The following UBASH3B variants were observed in gnomAD, a reference collection of about 807,000 sequenced individuals.
UBASH3B encodes ubiquitin associated and SH3 domain containing B.
UBASH3B carries 37 observed loss-of-function variants against 83.4 expected under a neutral mutation model. The observed-to-expected ratio is 0.44, with a 90% CI of 0.34 to 0.58. The LOEUF (loss-of-function observed/expected upper bound fraction) is 0.58, where lower values mean the gene tolerates loss of function less well. UBASH3B is among the 20% of genes least tolerant of loss of function. The probability of loss-of-function intolerance (pLI) is 0.01; values close to 1 mark genes in which losing one functional copy is unlikely to be tolerated. For synonymous variants in UBASH3B, 304 were observed against 318.3 expected (o/e 0.96, Z 0.48); for missense variants, 657 against 827.2 (o/e 0.79, Z 2.52).
At chr11:122,778,554 A>ATTT (rs56698309) in intron 3 of UBASH3B, among the ~76,000 whole-genome samples, 5 of 127,188 alleles carry the variant, frequency 3.9e-5, no homozygotes, top group African/African-American at 5.8e-5. Flanking sequence ...ACATTCCTTC[A>ATTT]TTTTTTTTTT....
At chr11:122,782,723 C>T (rs978189603) in intron 4 of UBASH3B, 3 of 233,674 alleles carry the variant, frequency 1.3e-5, no homozygotes, top group African/African-American at 2.3e-5. Context: ...CACTGTAGGT[C>T]ATAGTGCCCT....
chr11:122,713,069 A>G (rs993175366), intron 1 of UBASH3B, among the ~76,000 whole-genome samples: 4 of 151,414 alleles, frequency 2.6e-5, no homozygotes, highest in Admixed American at 6.6e-5. Context: ...CACCACGCCC[A>G]GCTAATTTTT....
At chr11:122,776,358 T>TTCTGG in intron 2 of UBASH3B, 86 bp downstream of exon 2, 4 of 1,256,180 alleles carry the variant, frequency 3.2e-6, no homozygotes, top group Non-Finnish European at 3.3e-6. Flanking sequence ...AGACTTTCTC[T>TTCTGG]AATGGACCCT....
At chr11:122,792,943 C>T (rs1861085465) in intron 6 of UBASH3B, among the ~76,000 whole-genome samples, 1 of 142,304 alleles carries the variant, frequency 7.0e-6, no homozygotes, top group Non-Finnish European at 1.6e-5. Context: ...GGGCATGAGA[C>T]TTCTGAGACT....
At chr11:122,656,950 G>A (rs1180473834) in intron 1 of UBASH3B, among the ~76,000 whole-genome samples, 1 of 152,204 alleles carries the variant, frequency 6.6e-6, no homozygotes, top group East Asian at 1.9e-4. Flanking sequence ...GAGCGCAGGT[G>A]GCTGCCCCTG....
At chr11:122,770,109 G>C (rs1283607422) in intron 1 of UBASH3B, among the ~76,000 whole-genome samples, 1 of 152,298 alleles carries the variant, frequency 6.6e-6, no homozygotes, top group South Asian at 2.1e-4. Context: ...AAGTGAACAA[G>C]TCCTTGGTCA....
In UBASH3B at chr11:122,786,039, GTTTTTGT is replaced by G. The variant is rs553442810; in HGVS notation, c.771+2836_771+2842del. ...TGGATTCAAGAGGTTTTTTGTTTTTGTTTTTGTTTTTTGTTTTTTGTTTTTGTTGAGA... is the reference window on the plus strand; with the variant it reads ...TGGATTCAAGAGGTTTTTTGTTTTTGTTTTTGTTTTTTGTTTTTGTTGAGA... On this transcript the variant is annotated intron_variant, in intron 5 of 13. Transcript: ENST00000284273. Among the ~76,000 whole-genome samples the G allele has an allele frequency of 3.0e-3, 459 of 152,036 alleles. 1 individual carries two copies. Among genetic ancestry groups the G allele is most frequent in the African/African-American group, 9.5e-3 (396 of 41,486 alleles).
intron 1 of UBASH3B, among the ~76,000 whole-genome samples, chr11:122,682,136 T>G (rs1457808674): frequency 6.6e-6 from 1 of 152,228 alleles, no homozygotes; most frequent in Non-Finnish European, 1.5e-5. Flanking sequence ...ATTCTCCTCC[T>G]GCGTAGTACC....
chr11:122,702,305 GAA>G (rs1216964878), intron 1 of UBASH3B, among the ~76,000 whole-genome samples: 2 of 152,162 alleles, frequency 1.3e-5, no homozygotes, highest in African/African-American at 4.8e-5. Flanking sequence ...CATGGAGAGA[GAA>G]GAGTCTAAAA....
chr11:122,683,641 T>C (rs1863772840), intron 1 of UBASH3B, among the ~76,000 whole-genome samples: 2 of 150,406 alleles, frequency 1.3e-5, no homozygotes, highest in Admixed American at 1.3e-4. Flanking sequence ...AAATAAAATA[T>C]GACCACAGGA....
chr11:122,718,947 G>A (rs1451445599), intron 1 of UBASH3B, among the ~76,000 whole-genome samples: 1 of 152,196 alleles, frequency 6.6e-6, no homozygotes, highest in African/African-American at 2.4e-5. Flanking sequence ...TGAGGCAGGA[G>A]GACCACCAGA....
chr11:122,752,204 C>T (rs1468956017), intron 1 of UBASH3B, among the ~76,000 whole-genome samples: 2 of 152,154 alleles, frequency 1.3e-5, no homozygotes. Context: ...GGTCAACCAT[C>T]CATCCCCATC....
At chr11:122,797,096 C>G in intron 9 of UBASH3B, 63 bp downstream of exon 9, 1 of 1,523,268 alleles carries the variant, frequency 6.6e-7, no homozygotes, top group Non-Finnish European at 8.8e-7. Context: ...AACACTGGTA[C>G]CATGGATATG....
chr11:122,762,623 C>A (rs1279254857), intron 1 of UBASH3B, among the ~76,000 whole-genome samples: 1 of 152,240 alleles, frequency 6.6e-6, no homozygotes, highest in African/African-American at 2.4e-5. Flanking sequence ...TGGCTCCCAA[C>A]AATCTGCGTC....
intron 1 of UBASH3B, among the ~76,000 whole-genome samples, chr11:122,665,269 T>C (rs1397941704): frequency 6.6e-6 from 1 of 152,104 alleles, no homozygotes; most frequent in Non-Finnish European, 1.5e-5. Context: ...CCTCGAACAC[T>C]TGGGCTCCAG....
At chr11:122,699,193 A>G (rs1053013276) in intron 1 of UBASH3B, among the ~76,000 whole-genome samples, 2 of 152,192 alleles carry the variant, frequency 1.3e-5, no homozygotes, top group Admixed American at 6.5e-5. Context: ...GAGGAGGGGC[A>G]TGGGAGGGAA....
At chr11:122,757,169 T>G (rs548062817) in intron 1 of UBASH3B, among the ~76,000 whole-genome samples, 2 of 152,374 alleles carry the variant, frequency 1.3e-5, no homozygotes, top group African/African-American at 4.8e-5. Context: ...GGCATGTTAC[T>G]GTAGATATTA....
At chr11:122,657,065 G>A (rs1863374309) in intron 1 of UBASH3B, among the ~76,000 whole-genome samples, 2 of 152,174 alleles carry the variant, frequency 1.3e-5, no homozygotes, top group Admixed American at 6.5e-5. Context: ...TGCCTAAGAG[G>A]AAGCCAAGGC....
intron 1 of UBASH3B, among the ~76,000 whole-genome samples, chr11:122,667,924 C>T (rs1232862962): frequency 1.3e-5 from 2 of 152,112 alleles, no homozygotes; most frequent in Non-Finnish European, 2.9e-5. Context: ...TCAGTTGAGA[C>T]CATGGTTTCT....
Sources: allele counts gnomAD v4.1 joint callset (sites outside exome capture counted in the v4.1 genomes callset), GRCh38; gene constraint gnomAD v4.1.1; transcripts MANE v1.5; gene names NCBI Gene and HGNC (gene_info 2026-07-23, HGNC 2026-07-21).